GRID2: variants seen among roughly 807,000 people sequenced by gnomAD.
The protein encoded by GRID2 is glutamate receptor ionotropic, delta-2.
A neutral mutation model predicts 114.8 loss-of-function variants in GRID2; 33 were observed. That is an observed-to-expected ratio of 0.29 (90% CI 0.22 to 0.38). GRID2 has a LOEUF of 0.38. Ranked by LOEUF, GRID2 falls within the 10% of genes least tolerant of loss-of-function variation. GRID2 has a pLI of 1.00. For missense variants in GRID2, 1,184 were observed against 1,257.7 expected, an observed-to-expected ratio of 0.94 and a Z score of 0.89; for synonymous variants, 505 against 449.9, an observed-to-expected ratio of 1.12 and a Z score of -1.55.
chr4:93,197,617 C>T (rs563908237), intron 4 of GRID2, among the ~76,000 whole-genome samples: 1 of 152,190 alleles, frequency 6.6e-6, no homozygotes, highest in African/African-American at 2.4e-5. Flanking sequence ...AAAAGTATTA[C>T]AGTAACTTGA....
intron 14 of GRID2, among the ~76,000 whole-genome samples, chr4:93,762,792 G>A (rs1733322531): frequency 6.6e-6 from 1 of 152,066 alleles, no homozygotes; most frequent in Admixed American, 6.6e-5. Flanking sequence ...ATCATTCCCA[G>A]GCCTCCCTTT....
chr4:93,323,375 C>T (rs1757455086), intron 8 of GRID2, among the ~76,000 whole-genome samples: 2 of 152,100 alleles, frequency 1.3e-5, no homozygotes, highest in Non-Finnish European at 2.9e-5. Flanking sequence ...GGTATTATTT[C>T]TGAGGGCTCT....
At chr4:93,204,951 T>C (rs934575501) in intron 4 of GRID2, among the ~76,000 whole-genome samples, 4 of 152,160 alleles carry the variant, frequency 2.6e-5, no homozygotes, top group African/African-American at 9.7e-5. Flanking sequence ...TCTATTGGTA[T>C]TCACTTCTTT....
Position 92,703,617 on chromosome 4 carries a change from T to TTATATA in GRID2, c.244+113354_244+113359dup, listed in dbSNP as rs3971001. On this transcript the variant is annotated intron_variant, in intron 2 of 15. Transcript: ENST00000282020. ...TTCATTAATAAAATGAGGAAAAACA[T>TTATATA]TATATATATATATATATATATATAT... Among the ~76,000 whole-genome samples the TTATATA allele has an allele frequency of 5.1e-3, 718 of 140,964 alleles. 4 individuals are homozygous for TTATATA. The highest frequency in any genetic ancestry group is 0.016 in the African/African-American group (600 of 38,124). 92.5% of individuals were successfully genotyped at this position (140,964 alleles called of 152,430 possible). A position where few individuals can be genotyped will look rare whatever the true frequency, so the allele number is the denominator to read the frequency against.
intron 1 of GRID2, among the ~76,000 whole-genome samples, chr4:92,378,819 G>C (rs1239068823): frequency 6.6e-6 from 1 of 151,858 alleles, no homozygotes; most frequent in Non-Finnish European, 1.5e-5. Context: ...TTTGCTACCT[G>C]TTAATGCTGT....
intron 4 of GRID2, among the ~76,000 whole-genome samples, chr4:93,184,079 G>T (rs556154095): frequency 6.6e-6 from 1 of 152,258 alleles, no homozygotes; most frequent in Non-Finnish European, 1.5e-5. Flanking sequence ...GTTCAACACA[G>T]ATCTTCATTG....
chr4:93,129,374 T>G (rs1024604461), intron 4 of GRID2, among the ~76,000 whole-genome samples: 1 of 152,170 alleles, frequency 6.6e-6, no homozygotes, highest in African/African-American at 2.4e-5. Context: ...TTTGTTTGTT[T>G]TTGTTGTTGT....
chr4:92,726,360 C>T (rs543231263), intron 2 of GRID2, among the ~76,000 whole-genome samples: 1 of 152,230 alleles, frequency 6.6e-6, no homozygotes, highest in East Asian at 1.9e-4. Flanking sequence ...TGCAACGTCA[C>T]TCAGACTATA....
intron 13 of GRID2, among the ~76,000 whole-genome samples, chr4:93,553,357 G>C (rs1488807832): frequency 6.6e-6 from 1 of 152,166 alleles, no homozygotes; most frequent in Non-Finnish European, 1.5e-5. Context: ...TTGTGGTTTT[G>C]ATTTGGATTA....
At chr4:92,644,841 C>G (rs1482572179) in intron 2 of GRID2, among the ~76,000 whole-genome samples, 3 of 151,360 alleles carry the variant, frequency 2.0e-5, no homozygotes, top group African/African-American at 7.3e-5. Flanking sequence ...CAAAATACTA[C>G]ATCAAATTTT....
At position 93,769,330 on chromosome 4, in the gene GRID2, C is replaced by T. The variant is rs759075553; in HGVS notation, c.2481C>T (p.Asp827=). The T allele has an allele frequency of 2.0e-5, 33 of 1,614,106 alleles. 1 individual carries two copies. In the South Asian group the frequency reaches 3.2e-4, roughly 16 times the overall value. The change falls in exon 15 of 16, where the codon GAC becomes GAT. Residue 827 remains aspartate, a synonymous_variant. Transcript: ENST00000282020. ...CAAAGCAGAAAGGAGGCGCCCTGGA[C>T]ATAAAGAGCTTTGCAGGGGTCTTTT... ...VDTKQKGGAL[D]IKSFAGVFCI...
chr4:92,365,086 T>A (rs570472879), intron 1 of GRID2, among the ~76,000 whole-genome samples: 1 of 152,130 alleles, frequency 6.6e-6, no homozygotes, highest in Non-Finnish European at 1.5e-5. Flanking sequence ...TGGAGGTTCC[T>A]CAAAAAACTG....
intron 3 of GRID2, among the ~76,000 whole-genome samples, chr4:93,100,366 A>G (rs755192992): frequency 1.3e-4 from 20 of 151,962 alleles, no homozygotes; most frequent in Admixed American, 3.9e-4. Context: ...TTAAATACAA[A>G]GTAAAAATGC....
intron 14 of GRID2, among the ~76,000 whole-genome samples, chr4:93,763,342 TA>T (rs1380881269): frequency 6.6e-6 from 1 of 152,178 alleles, no homozygotes; most frequent in East Asian, 1.9e-4. Context: ...CATATTGGGC[TA>T]AATTTAGTTT....
At chr4:93,328,853 T>C (rs1209230452) in intron 8 of GRID2, among the ~76,000 whole-genome samples, 1 of 152,068 alleles carries the variant, frequency 6.6e-6, no homozygotes, top group Non-Finnish European at 1.5e-5. Flanking sequence ...CATGAATTCA[T>C]CAATCATTCA....
intron 2 of GRID2, among the ~76,000 whole-genome samples, chr4:92,749,490 T>C (rs1578140905): frequency 2.6e-5 from 4 of 151,584 alleles, no homozygotes; most frequent in Admixed American, 2.6e-4. Context: ...AATTTTTATA[T>C]TTTTAGTAGA....
chr4:93,264,605 G>A (rs1435839868), intron 8 of GRID2, among the ~76,000 whole-genome samples: 6 of 150,574 alleles, frequency 4.0e-5, no homozygotes, highest in Non-Finnish European at 7.4e-5. Flanking sequence ...TGGTTTCTGT[G>A]TTCCTACAAT....
intron 3 of GRID2, among the ~76,000 whole-genome samples, chr4:93,109,985 G>T (rs1460134207): frequency 6.6e-6 from 1 of 152,002 alleles, no homozygotes; most frequent in Non-Finnish European, 1.5e-5. Flanking sequence ...TAAATTTCTA[G>T]AACTTTGCTT....
chr4:93,150,408 G>A (rs1013772009), intron 4 of GRID2, among the ~76,000 whole-genome samples: 1 of 152,068 alleles, frequency 6.6e-6, no homozygotes, highest in African/African-American at 2.4e-5. Context: ...GACACAACAG[G>A]TAGCACGGGA....
Sources: allele counts gnomAD v4.1 joint callset (sites outside exome capture counted in the v4.1 genomes callset), GRCh38; gene constraint gnomAD v4.1.1; transcripts MANE v1.5; gene names NCBI Gene and HGNC (gene_info 2026-07-23, HGNC 2026-07-21).